The following FBXO30 variants were observed in gnomAD, a reference collection of about 807,000 sequenced individuals.
The protein encoded by FBXO30 is F-box protein 30.
A neutral mutation model predicts 58.1 loss-of-function variants in FBXO30; 21 were observed. The ratio of observed to expected loss-of-function variants is 0.36; its 90% CI spans 0.26 to 0.52. The LOEUF is 0.52. FBXO30 is among the 20% of genes least tolerant of loss of function. The probability of loss-of-function intolerance (pLI) is 0.93; values close to 1 mark genes in which losing one functional copy is unlikely to be tolerated. For synonymous variants in FBXO30, 309 were observed against 312.4 expected (o/e 0.99, Z 0.11); for missense variants, 744 against 897.3 (o/e 0.83, Z 2.18).
intron 1 of FBXO30, among the ~76,000 whole-genome samples, chr6:145,810,136 G>A (rs1021609448): frequency 6.6e-6 from 1 of 152,110 alleles, no homozygotes; most frequent in Non-Finnish European, 1.5e-5. Flanking sequence ...ATAATGCTCA[G>A]TATAAGTGTA....
In FBXO30 at chr6:145,794,610, G is replaced by T. The variant is rs1777834339; in HGVS notation, c.*5496C>A. On this transcript the variant is annotated 3_prime_UTR_variant, in exon 3 of 3. Coordinates refer to ENST00000237281, the MANE Select transcript of FBXO30 (RefSeq NM_032145.5). The stretch of plus-strand genomic sequence containing the variant: ...CAGATTTTTTAAAAAGTCATCAATT[G>T]ATATAAAAGACATCCAGTTGACATA... 1 of 151,712 alleles carries T rather than the reference G, an allele frequency of 6.6e-6. No homozygotes were observed. Among genetic ancestry groups the T allele is most frequent in the South Asian group, 2.1e-4 (1 of 4,818 alleles). 9.4% of individuals were successfully genotyped at this position (151,712 alleles called of 1,614,324 possible).
At position 145,794,493 on chromosome 6, in the gene FBXO30, A is replaced by T. The variant is rs1777832120; in HGVS notation, c.*5613T>A. ...CTCCACTGAATTATTAGCCATTCAG[A>T]GTAAGTTATTTCATATGACATGGCT... On this transcript the variant is annotated 3_prime_UTR_variant, in exon 3 of 3. Transcript: ENST00000237281. 6.6e-6 allele frequency: 1 copy of T among 151,984 alleles called. No homozygotes were observed. Among genetic ancestry groups the T allele is most frequent in the South Asian group, 2.1e-4 (1 of 4,836 alleles). The allele number at this position is 151,984 out of a possible 1,614,324, so 9.4% of individuals were successfully genotyped here.
rs1233129454 is a variant in FBXO30, at chr6:145,796,508, T to G, written c.*3598A>C. 6.6e-6 allele frequency: 1 copy of G among 151,986 alleles called. No individual in the cohort carries two copies. The highest frequency in any genetic ancestry group is 1.5e-5 in the Non-Finnish European group (1 of 67,904). The allele number at this position is 151,986 out of a possible 1,614,324, so 9.4% of individuals were successfully genotyped here. A position where few individuals can be genotyped will look rare whatever the true frequency, so the allele number is the denominator to read the frequency against. ...ACCAGTCAAACACCTATCAGAGAAATTCTTTCCATCAAAAGTCTGTCCAGA... is the reference window on the plus strand; with the variant it reads ...ACCAGTCAAACACCTATCAGAGAAAGTCTTTCCATCAAAAGTCTGTCCAGA... On this transcript the variant is annotated 3_prime_UTR_variant, in exon 3 of 3. Coordinates refer to ENST00000237281, the MANE Select transcript of FBXO30 (RefSeq NM_032145.5).
In FBXO30 at chr6:145,804,256, A is replaced by C. The variant is rs1381012934; in HGVS notation, c.2034+116T>G. 4.6e-6 allele frequency: 4 copies of C among 874,828 alleles called. No homozygotes were observed. The African/African-American group carries it at 6.8e-5, about 15-fold the overall frequency. 54.2% of individuals were successfully genotyped at this position (874,828 alleles called of 1,614,324 possible). A position where few individuals can be genotyped will look rare whatever the true frequency, so the allele number is the denominator to read the frequency against. ...TAAGAAAAAGTCTGTCATCACACTG[A>C]TTTAGTAAGTTTTAGGGAATGGTCA... On this transcript the variant is annotated intron_variant, in intron 2 of 2. Transcript: ENST00000237281.
In FBXO30 at chr6:145,796,571, AAAC is replaced by A. The variant is rs1220205134; in HGVS notation, c.*3532_*3534del. ...ATTGCTTTCTCTCTACTGCACTTCT[AAAC>A]AACCAACTCTGCAAGCTCCAATCAC... On this transcript the variant is annotated 3_prime_UTR_variant, in exon 3 of 3. Coordinates refer to ENST00000237281, the MANE Select transcript of FBXO30 (RefSeq NM_032145.5). 1 of 152,040 alleles carries A rather than the reference AAAC, an allele frequency of 6.6e-6. No individual in the cohort carries two copies. The highest frequency in any genetic ancestry group is 1.5e-5 in the Non-Finnish European group (1 of 67,926). The allele number at this position is 152,040 out of a possible 1,614,324, so 9.4% of individuals were successfully genotyped here.
chr6:145,799,939 T>C lies in FBXO30; in HGVS notation c.*167A>G, dbSNP rs1777945061. 2 of 520,390 alleles carry C rather than the reference T, an allele frequency of 3.8e-6. No homozygotes were observed. Among genetic ancestry groups the C allele is most frequent in the East Asian group, 6.9e-5 (2 of 28,904 alleles). The allele number at this position is 520,390 out of a possible 1,614,324, so 32.2% of individuals were successfully genotyped here. A position where few individuals can be genotyped will look rare whatever the true frequency, so the allele number is the denominator to read the frequency against. ...ACATTTCAAACATTAAGGCAACTTT[T>C]TCCAACTAAACAGTACTTTATAAAA... is the stretch of plus-strand genomic sequence containing the variant. On this transcript the variant is annotated 3_prime_UTR_variant, in exon 3 of 3. Transcript: ENST00000237281.
intron 1 of FBXO30, among the ~76,000 whole-genome samples, chr6:145,810,502 T>C (rs1292688975): frequency 6.6e-6 from 1 of 152,220 alleles, no homozygotes; most frequent in African/African-American, 2.4e-5. Flanking sequence ...ATAATTTATA[T>C]TTGAATTTAA....
rs1778110876 is a variant in FBXO30 at position 145,804,756 on chromosome 6, C to T, written c.1650G>A (p.Trp550Ter). The T allele has an allele frequency of 6.2e-7, 1 of 1,613,958 alleles. No homozygotes were observed. The highest frequency in any genetic ancestry group is 8.5e-7 in the Non-Finnish European group (1 of 1,179,890). ...HGDIHAGLNG[W>*]MEQRCPLAYY... ...AAGCTAAAGGGCACCTCTGTTCCATCCAGCCATTGAGTCCAGCATGAATGT... is the reference window on the plus strand; with the variant it reads ...AAGCTAAAGGGCACCTCTGTTCCATTCAGCCATTGAGTCCAGCATGAATGT... Residue 550 changes from tryptophan (W) to a stop codon, truncating the protein, a stop_gained, in exon 2 of 3, where the codon TGG becomes TGA. Transcript: ENST00000237281. LOFTEE classifies it high-confidence loss of function.
intron 1 of FBXO30, among the ~76,000 whole-genome samples, chr6:145,813,969 G>A (rs1465889914): frequency 2.6e-5 from 4 of 152,086 alleles, no homozygotes. Context: ...TTCAGCACGC[G>A]CTCTATAAAC....
At chr6:145,804,255 G>T in intron 2 of FBXO30, 117 bp downstream of exon 2, 1 of 864,792 alleles carries the variant, frequency 1.2e-6, no homozygotes, top group Non-Finnish European at 1.7e-6. Context: ...TCATCACACT[G>T]ATTTAGTAAG....
At position 145,797,664 on chromosome 6, in the gene FBXO30, G is replaced by GA; in HGVS notation, c.*2441dup. The GA allele has an allele frequency of 6.6e-6, 1 of 152,024 alleles. No homozygotes were observed. Among genetic ancestry groups the GA allele is most frequent in the South Asian group, 2.1e-4 (1 of 4,830 alleles). 9.4% of individuals were successfully genotyped at this position (152,024 alleles called of 1,614,324 possible). ...TAAGATCTGTGAGTCTCAAAATCTA[G>GA]AAAAAAGAGTGAGAGAGGGAGAAGG... On this transcript the variant is annotated 3_prime_UTR_variant, in exon 3 of 3. Transcript: ENST00000237281.
At position 145,804,334 on chromosome 6, in the gene FBXO30, CTT is replaced by C. The variant is rs776937594; in HGVS notation, c.2034+36_2034+37del. 1.1e-4 allele frequency: 164 copies of C among 1,540,878 alleles called. 1 individual carries two copies. In the Middle Eastern group the frequency reaches 1.4e-3, roughly 13 times the overall value. On this transcript the variant is annotated intron_variant, in intron 2 of 2. Transcript: ENST00000237281. ...AATTCAGCAGTATTATTAAAGTCCT[CTT>C]TATGTCAAATAAGAGGTTGTAAAGA...
intron 2 of FBXO30, 65 bp from the exon 3 acceptor site, chr6:145,800,374 G>T: frequency 2.3e-6 from 3 of 1,311,250 alleles, no homozygotes; most frequent in Non-Finnish European, 3.3e-6. Flanking sequence ...CACACTTTTT[G>T]CTCCTACTGC....
At chr6:145,807,682 A>T (rs1208145386) in intron 1 of FBXO30, among the ~76,000 whole-genome samples, 1 of 152,244 alleles carries the variant, frequency 6.6e-6, no homozygotes, top group East Asian at 1.9e-4. Flanking sequence ...ACCTTTATAA[A>T]GAAAAGTTTT....
intron 1 of FBXO30, among the ~76,000 whole-genome samples, chr6:145,808,048 A>G (rs906504861): frequency 1.3e-5 from 2 of 152,036 alleles, no homozygotes; most frequent in South Asian, 4.1e-4. Flanking sequence ...AGGAGGCTCA[A>G]ATGAGCCCAG....
At position 145,794,466 on chromosome 6, in the gene FBXO30, A is replaced by G. The variant is rs1777831007; in HGVS notation, c.*5640T>C. 6.6e-6 allele frequency: 1 copy of G among 151,968 alleles called. No homozygotes were observed. The highest frequency in any genetic ancestry group is 2.4e-5 in the African/African-American group (1 of 41,442). 9.4% of individuals were successfully genotyped at this position (151,968 alleles called of 1,614,324 possible). On this transcript the variant is annotated 3_prime_UTR_variant, in exon 3 of 3. Coordinates refer to ENST00000237281, the MANE Select transcript of FBXO30 (RefSeq NM_032145.5). ...GTGCAAATAAAAATCTTTAGAATTC[A>G]TCTCCACTGAATTATTAGCCATTCA...
In FBXO30 at chr6:145,805,207, G is replaced by C; in HGVS notation, c.1199C>G (p.Pro400Arg). 6.2e-7 allele frequency: 1 copy of C among 1,613,974 alleles called. No individual in the cohort carries two copies. Among genetic ancestry groups the C allele is most frequent in the Non-Finnish European group, 8.5e-7 (1 of 1,179,942 alleles). Residue 400 changes from proline to arginine, a missense_variant, in exon 2 of 3, where the codon CCA (proline) becomes CGA (arginine). Around this residue, in one of 3 missense-constraint regions of FBXO30, gnomAD observed 334 missense variants for 433.7 expected, o/e 0.77. Transcript: ENST00000237281. ...NFLSNSCWSK[P>R]KEDKAVDTSD... is the part of the protein sequence containing the mutation. ...TGTATCTACTGCTTTATCTTCCTTT[G>C]GTTTAGACCAACATGAATTAGAAAG...
intron 1 of FBXO30, among the ~76,000 whole-genome samples, chr6:145,814,029 T>A (rs990512774): frequency 6.6e-6 from 1 of 152,002 alleles, no homozygotes; most frequent in African/African-American, 2.4e-5. Context: ...ACAACACAAA[T>A]AACCTCAGGT....
intron 1 of FBXO30, among the ~76,000 whole-genome samples, chr6:145,808,240 A>G (rs1244312939): frequency 7.8e-6 from 1 of 128,108 alleles, no homozygotes; most frequent in Non-Finnish European, 1.5e-5. Context: ...AAAACCACCA[A>G]AAAAAAACGT....
Sources: allele counts gnomAD v4.1 joint callset (sites outside exome capture counted in the v4.1 genomes callset), GRCh38; gene constraint gnomAD v4.1.1; regional missense constraint gnomAD v4.1.1; transcripts MANE v1.5; gene names NCBI Gene and HGNC (gene_info 2026-07-23, HGNC 2026-07-21).